SUGP1: variants seen among roughly 807,000 people sequenced by gnomAD.
The protein encoded by SUGP1 is SURP and G-patch domain containing 1, also known as SURP and G-patch domain-containing protein 1.
SUGP1 carries 34 observed loss-of-function variants against 76.5 expected under a neutral mutation model. The observed-to-expected ratio is 0.44, with a 90% CI of 0.34 to 0.59. SUGP1 has a LOEUF of 0.59. SUGP1 is among the 20% of genes least tolerant of loss of function. The pLI is 0.01. For synonymous variants in SUGP1, 326 were observed against 326.2 expected (o/e 1.00, Z 0.01); for missense variants, 752 against 851.7 (o/e 0.88, Z 1.46).
chr19:19,282,730 G>A (rs902808687), intron 8 of SUGP1, among the ~76,000 whole-genome samples: 6 of 151,794 alleles, frequency 4.0e-5, no homozygotes, highest in African/African-American at 1.5e-4. Flanking sequence ...GCAACAATTC[G>A]AAAAAAGTCA....
In SUGP1 at chr19:19,297,044, G is replaced by C. The variant is rs767543906; in HGVS notation, c.1188C>G (p.Leu396=). Residue 396 remains leucine, a synonymous_variant, in exon 8 of 14, where the codon CTC becomes CTG. Coordinates refer to ENST00000247001, the MANE Select transcript of SUGP1 (RefSeq NM_172231.4). Reference sequence around the variant, plus strand: ...CCCTCTGCACCAGTTCAGCAGGTGGGAGCTCTACCTTATCCTCTTCAGGCC... The same window carrying C: ...CCCTCTGCACCAGTTCAGCAGGTGGCAGCTCTACCTTATCCTCTTCAGGCC... The part of the protein sequence containing the change: ...RWGPEEDKVE[L]PPAELVQRDV... The C allele has an allele frequency of 6.2e-7, 1 of 1,608,778 alleles. No homozygotes were observed. Among genetic ancestry groups the C allele is most frequent in the Non-Finnish European group, 8.5e-7 (1 of 1,176,956 alleles).
At chr19:19,312,660 T>G (rs2061360579) in intron 2 of SUGP1, among the ~76,000 whole-genome samples, 1 of 152,120 alleles carries the variant, frequency 6.6e-6, no homozygotes, top group Non-Finnish European at 1.5e-5. Context: ...CCTGAAAAGT[T>G]GAAATTTTAG....
At position 19,276,527 on chromosome 19, in the gene SUGP1, TG is replaced by T; in HGVS notation, c.*120del. 8.1e-7 allele frequency: 1 copy of T among 1,233,926 alleles called. No individual in the cohort carries two copies. Among genetic ancestry groups the T allele is most frequent in the Non-Finnish European group, 1.2e-6 (1 of 854,618 alleles). The allele number at this position is 1,233,926 out of a possible 1,614,324, so 76.4% of individuals were successfully genotyped here. A position where few individuals can be genotyped will look rare whatever the true frequency, so the allele number is the denominator to read the frequency against. On this transcript the variant is annotated 3_prime_UTR_variant, in exon 14 of 14. Coordinates refer to ENST00000247001, the MANE Select transcript of SUGP1 (RefSeq NM_172231.4). ...CCAGGCATCTGTGGTGGATGAGCACTGGGACTTTATTACACGGCACGGCACT... is the reference window on the plus strand; with the variant it reads ...CCAGGCATCTGTGGTGGATGAGCACTGGACTTTATTACACGGCACGGCACT...
chr19:19,296,044 G>T (rs752993559), intron 8 of SUGP1, among the ~76,000 whole-genome samples: 3 of 152,114 alleles, frequency 2.0e-5, no homozygotes, highest in Non-Finnish European at 2.9e-5. Context: ...AAAGATGAGA[G>T]TATGACTCTT....
intron 8 of SUGP1, among the ~76,000 whole-genome samples, chr19:19,291,889 TCACA>T (rs541521385): frequency 0.011 from 1,422 of 128,698 alleles, 18 homozygotes; most frequent in East Asian, 0.049. Flanking sequence ...TGAGACTCTG[TCACA>T]CACACACACA....
In SUGP1 at chr19:19,276,949, G is replaced by A. The variant is rs1294179188; in HGVS notation, c.1909C>T (p.Leu637=). 1 of 1,612,890 alleles carries A rather than the reference G, an allele frequency of 6.2e-7. No homozygotes were observed. The highest frequency in any genetic ancestry group is 8.5e-7 in the Non-Finnish European group (1 of 1,179,976). ...MLAYRFRPNP[L]NNPRRPYY is the part of the protein sequence containing the mutation. ...GCAGCCCAGGAGGACATGCGTACCA[G>A]GGGGTTGGGCCGGAAGCGGTAGGCC... Residue 637 remains leucine, a splice_region_variant and synonymous_variant, in exon 13 of 14, where the codon CTG becomes TTG. Transcript: ENST00000247001.
intron 6 of SUGP1, among the ~76,000 whole-genome samples, 181 bp downstream of exon 6, chr19:19,303,165 ACT>A (rs1276983186): frequency 3.9e-5 from 6 of 152,196 alleles, no homozygotes; most frequent in Non-Finnish European, 8.8e-5. Flanking sequence ...TCCTTGGAGC[ACT>A]GAGGGGGAAG....
chr19:19,298,485 G>A (rs963339639), intron 7 of SUGP1, among the ~76,000 whole-genome samples: 1 of 152,138 alleles, frequency 6.6e-6, no homozygotes, highest in African/African-American at 2.4e-5. Context: ...ACCAGAGTGA[G>A]ACTCCATCTC....
intron 5 of SUGP1, 58 bp from the exon 6 acceptor site, chr19:19,303,506 T>A (rs765917377): frequency 2.7e-6 from 4 of 1,502,600 alleles, no homozygotes; most frequent in Non-Finnish European, 3.7e-6. Context: ...GACAGGCATA[T>A]CCCTGCAGCT....
chr19:19,297,400 A>ATTCTGGGCAGGAGCTGTTCTGGCC, intron 7 of SUGP1, 56 bp from the exon 8 acceptor site: 2 of 1,349,532 alleles, frequency 1.5e-6, no homozygotes, highest in Non-Finnish European at 2.0e-6. Flanking sequence ...CCTGTCCCTG[A>ATTCTGGGCAGGAGCTGTTCTGGCC]TTCTGGGCAG....
intron 2 of SUGP1, among the ~76,000 whole-genome samples, chr19:19,314,475 T>C (rs1347869675): frequency 2.6e-5 from 4 of 152,148 alleles, no homozygotes; most frequent in Non-Finnish European, 5.9e-5. Flanking sequence ...ACCATGTACA[T>C]GAATTACCTT....
At chr19:19,288,219 G>A (rs2061155988) in intron 8 of SUGP1, among the ~76,000 whole-genome samples, 1 of 152,050 alleles carries the variant, frequency 6.6e-6, no homozygotes, top group Non-Finnish European at 1.5e-5. Flanking sequence ...AGGCTGGAGT[G>A]CAGTGCCACG....
At chr19:19,292,210 T>G (rs2061190415) in intron 8 of SUGP1, among the ~76,000 whole-genome samples, 1 of 147,346 alleles carries the variant, frequency 6.8e-6, no homozygotes, top group Non-Finnish European at 1.5e-5. Flanking sequence ...GAGGTGGAGG[T>G]TGCAGGGAGC....
chr19:19,320,048 T>C lies in SUGP1; in HGVS notation c.34+415A>G, dbSNP rs534765105. Among the ~76,000 whole-genome samples, 3 of 152,246 alleles carry C rather than the reference T, an allele frequency of 2.0e-5. No individual in the cohort carries two copies. In the East Asian group the frequency reaches 5.8e-4, roughly 29 times the overall value. On this transcript the variant is annotated intron_variant, in intron 1 of 13. Transcript: ENST00000247001. ...GAGGGTCAAAAGACGCGGGAAAGTG[T>C]GTCAAGGGAGCCTCAAAGCACTTCG...
chr19:19,277,980 G>A (rs2061067203), intron 11 of SUGP1, 101 bp from the exon 12 acceptor site: 3 of 1,414,826 alleles, frequency 2.1e-6, no homozygotes, highest in Non-Finnish European at 1.9e-6. Context: ...TGGGACCAGT[G>A]GCCCATCTGC....
At chr19:19,304,097 C>A in intron 4 of SUGP1, 1 of 1,388,740 alleles carries the variant, frequency 7.2e-7, no homozygotes, top group South Asian at 1.4e-5. Flanking sequence ...TGGAAGCTAG[C>A]AGAAAATATA....
At chr19:19,293,568 G>T (rs111990380) in intron 8 of SUGP1, among the ~76,000 whole-genome samples, 1,379 of 134,844 alleles carry the variant, frequency 0.01, 16 homozygotes, top group African/African-American at 0.04. Flanking sequence ...ATCAGAGAAA[G>T]ACTCTGTCTC....
chr19:19,303,899 T>C, intron 4 of SUGP1, 52 bp from the exon 5 acceptor site: 2 of 1,610,880 alleles, frequency 1.2e-6, no homozygotes, highest in Non-Finnish European at 8.5e-7. Context: ...CCACAGTCAA[T>C]AGGCACACTC....
At chr19:19,284,913 G>A (rs1247066980) in intron 8 of SUGP1, among the ~76,000 whole-genome samples, 3 of 148,300 alleles carry the variant, frequency 2.0e-5, no homozygotes, top group South Asian at 2.1e-4. Flanking sequence ...TCGCTCTTTC[G>A]CCCAGGCCGG....
Sources: allele counts gnomAD v4.1 joint callset (sites outside exome capture counted in the v4.1 genomes callset), GRCh38; gene constraint gnomAD v4.1.1; transcripts MANE v1.5; gene names NCBI Gene and HGNC (gene_info 2026-07-23, HGNC 2026-07-21).